The following FOXP1 variants were observed in gnomAD, a reference collection of about 807,000 sequenced individuals.
FOXP1 encodes the protein forkhead box P1.
Under a neutral mutation model 98.2 loss-of-function variants are expected in FOXP1, and 15 were observed. That is an observed-to-expected ratio of 0.15 (90% confidence interval 0.10 to 0.24). FOXP1 has a LOEUF of 0.24. Among genes scored for constraint, FOXP1 ranks in the 10% least tolerant of loss-of-function variants. The probability of loss-of-function intolerance (pLI) is 1.00; values close to 1 mark genes in which losing one functional copy is unlikely to be tolerated. For synonymous variants in FOXP1, 371 were observed against 314.5 expected (o/e 1.18, Z -1.90); for missense variants, 633 against 848.5 (o/e 0.75, Z 3.15).
At chr3:71,575,441 CTACACACACACACA>C (rs761698236) in intron 2 of FOXP1, among the ~76,000 whole-genome samples, 28 of 152,056 alleles carry the variant, frequency 1.8e-4, no homozygotes, top group Admixed American at 8.5e-4. Flanking sequence ...TTTTAATAAC[CTACACACACACACA>C]TACACACACA....
intron 6 of FOXP1, among the ~76,000 whole-genome samples, chr3:71,162,070 GAAT>G (rs1320495880): frequency 6.6e-6 from 1 of 152,184 alleles, no homozygotes; most frequent in African/African-American, 2.4e-5. Context: ...GAGTCAAAAA[GAAT>G]AATGATAGCC....
intron 3 of FOXP1, among the ~76,000 whole-genome samples, chr3:71,401,958 C>A (rs539736432): frequency 1.2e-4 from 18 of 152,240 alleles, no homozygotes; most frequent in African/African-American, 4.3e-4. Flanking sequence ...ACCCCTATCC[C>A]CACCCCTATC....
intron 5 of FOXP1, among the ~76,000 whole-genome samples, chr3:71,223,254 T>C (rs2065540992): frequency 6.6e-6 from 1 of 152,208 alleles, no homozygotes. Context: ...GCACTTTTCC[T>C]AGTTAGTTGC....
At chr3:71,019,400 G>A (rs2045052328) in intron 11 of FOXP1, among the ~76,000 whole-genome samples, 1 of 152,114 alleles carries the variant, frequency 6.6e-6, no homozygotes, top group South Asian at 2.1e-4. Flanking sequence ...ATTTAAACAT[G>A]TTTGTCAAAA....
intron 3 of FOXP1, among the ~76,000 whole-genome samples, chr3:71,375,409 T>A (rs894905541): frequency 2.0e-5 from 3 of 152,218 alleles, no homozygotes; most frequent in Admixed American, 6.5e-5. Flanking sequence ...AAATGGTATA[T>A]GATTTTGGTG....
chr3:70,956,409 AT>A lies in FOXP1; in HGVS notation c.*2837del, dbSNP rs886058834. The A allele has an allele frequency of 4.6e-6, 1 of 219,294 alleles. No homozygotes were observed. The highest frequency in any genetic ancestry group is 2.3e-5 in the African/African-American group (1 of 43,256). 13.6% of individuals were successfully genotyped at this position (219,294 alleles called of 1,614,324 possible). A position where few individuals can be genotyped will look rare whatever the true frequency, so the allele number is the denominator to read the frequency against. ...TACCTGCAAAGATATGTAAAATCTA[AT>A]TTTTCTTTTTTTTTTTTTTTTGCTA... is the stretch of plus-strand genomic sequence containing the variant. On this transcript the variant is annotated 3_prime_UTR_variant, in exon 21 of 21. Transcript: ENST00000649528.
intron 6 of FOXP1, among the ~76,000 whole-genome samples, chr3:71,183,288 G>A (rs181009028): frequency 1.3e-5 from 2 of 152,060 alleles, no homozygotes; most frequent in African/African-American, 4.8e-5. Flanking sequence ...GAGGTCTGGA[G>A]TTCAAGACCA....
chr3:71,247,334 G>A (rs989995627), intron 5 of FOXP1, among the ~76,000 whole-genome samples: 4 of 152,170 alleles, frequency 2.6e-5, no homozygotes, highest in Admixed American at 2.0e-4. Context: ...GCTGAGCTGC[G>A]ACCTTCTGCC....
intron 3 of FOXP1, among the ~76,000 whole-genome samples, chr3:71,414,541 G>A (rs1263444657): frequency 2.0e-5 from 3 of 152,220 alleles, no homozygotes; most frequent in South Asian, 4.1e-4. Context: ...GTAAGATTTA[G>A]GTCTCACTTC....
chr3:71,457,354 T>C (rs948764199), intron 3 of FOXP1, among the ~76,000 whole-genome samples: 5 of 152,228 alleles, frequency 3.3e-5, no homozygotes, highest in African/African-American at 7.2e-5. Flanking sequence ...TACTGTGCTA[T>C]ATTGCAATTT....
intron 3 of FOXP1, among the ~76,000 whole-genome samples, chr3:71,482,425 A>G (rs1384402968): frequency 6.8e-6 from 1 of 147,394 alleles, no homozygotes; most frequent in Non-Finnish European, 1.5e-5. Context: ...CTGGAGTACA[A>G]TGGTGAGGTC....
intron 6 of FOXP1, among the ~76,000 whole-genome samples, chr3:71,147,641 T>A (rs1358339314): frequency 6.6e-6 from 1 of 152,216 alleles, no homozygotes; most frequent in African/African-American, 2.4e-5. Context: ...CTCTACTGGA[T>A]TGAAAACTGC....
chr3:71,508,784 C>CTT (rs1225263015), intron 2 of FOXP1, among the ~76,000 whole-genome samples: 2 of 152,196 alleles, frequency 1.3e-5, no homozygotes, highest in Non-Finnish European at 2.9e-5. Flanking sequence ...AAAGAAACAA[C>CTT]TTAGGTCTGC....
chr3:71,546,253 C>A (rs1325732133), intron 2 of FOXP1, among the ~76,000 whole-genome samples: 1 of 152,196 alleles, frequency 6.6e-6, no homozygotes, highest in African/African-American at 2.4e-5. Context: ...GGAATTCCCA[C>A]TTTGGCCTCA....
intron 3 of FOXP1, among the ~76,000 whole-genome samples, chr3:71,448,330 T>G (rs1221219935): frequency 6.6e-6 from 1 of 152,186 alleles, no homozygotes; most frequent in Non-Finnish European, 1.5e-5. Context: ...GGGCACTAAA[T>G]GCTTTCCTCA....
intron 7 of FOXP1, among the ~76,000 whole-genome samples, chr3:71,059,653 T>C (rs2051195555): frequency 6.6e-6 from 1 of 152,158 alleles, no homozygotes; most frequent in African/African-American, 2.4e-5. Flanking sequence ...CACTTTCTCC[T>C]GTAGCTGGGA....
chr3:71,294,222 T>C (rs1383020579), intron 5 of FOXP1, among the ~76,000 whole-genome samples: 2 of 152,222 alleles, frequency 1.3e-5, no homozygotes, highest in Non-Finnish European at 2.9e-5. Flanking sequence ...TAAGAACTAT[T>C]GAAAAGTCAG....
intron 2 of FOXP1, among the ~76,000 whole-genome samples, chr3:71,521,385 G>A: frequency 6.6e-6 from 1 of 152,158 alleles, no homozygotes; most frequent in East Asian, 1.9e-4. Context: ...AAATTAGCCA[G>A]GTGTGGTGGC....
At chr3:71,477,815 C>T (rs1032973587) in intron 3 of FOXP1, among the ~76,000 whole-genome samples, 3 of 152,154 alleles carry the variant, frequency 2.0e-5, no homozygotes, top group Non-Finnish European at 2.9e-5. Context: ...TGTATGCATA[C>T]ATGAAGTACC....
Sources: allele counts gnomAD v4.1 joint callset (sites outside exome capture counted in the v4.1 genomes callset), GRCh38; gene constraint gnomAD v4.1.1; transcripts MANE v1.5; gene names NCBI Gene and HGNC (gene_info 2026-07-23, HGNC 2026-07-21).